The following ADAMTSL1 variants were observed in gnomAD, a reference collection of about 807,000 sequenced individuals.
The protein encoded by ADAMTSL1 is ADAMTS like 1.
Under a neutral mutation model 201.8 loss-of-function variants are expected in ADAMTSL1, and 126 were observed. The observed-to-expected ratio is 0.62, with a 90% CI of 0.54 to 0.72. The LOEUF (loss-of-function observed/expected upper bound fraction) is 0.72, where lower values mean the gene tolerates loss of function less well. ADAMTSL1 is among the 30% of genes least tolerant of loss of function. ADAMTSL1 has a pLI of 0.00. For missense variants in ADAMTSL1, 2,679 were observed against 2,277.8 expected, an observed-to-expected ratio of 1.18 and a Z score of -3.59; for synonymous variants, 1,121 against 903.4, an observed-to-expected ratio of 1.24 and a Z score of -4.32.
intron 1 of ADAMTSL1, among the ~76,000 whole-genome samples, chr9:18,014,241 A>C (rs895622499): frequency 1.3e-5 from 2 of 152,006 alleles, no homozygotes; most frequent in African/African-American, 2.4e-5. Context: ...CCAGTGCTCC[A>C]CTGGCAAAAT....
intron 1 of ADAMTSL1, among the ~76,000 whole-genome samples, chr9:17,965,630 A>G (rs1026725447): frequency 1.3e-5 from 2 of 152,188 alleles, no homozygotes; most frequent in Non-Finnish European, 2.9e-5. Flanking sequence ...ATCATACATG[A>G]TAAATTGGGA....
intron 1 of ADAMTSL1, among the ~76,000 whole-genome samples, chr9:18,503,397 T>G (rs1034400490): frequency 9.2e-6 from 1 of 108,912 alleles, no homozygotes; most frequent in Admixed American, 1.0e-4. Flanking sequence ...TCTTCCTTTT[T>G]AAGGCTGAAT....
chr9:18,224,634 A>T lies in ADAMTSL1; in HGVS notation c.207+60653A>T, dbSNP rs1351679771. On this transcript the variant is annotated intron_variant, in intron 2 of 29. Coordinates refer to the ADAMTSL1 transcript ENST00000680146. ...GCATCAACTTTAAAGTCCAAGTCCAAAGTATCTTATGAACATCCTATGGAT... is the reference window on the plus strand; with the variant it reads ...GCATCAACTTTAAAGTCCAAGTCCATAGTATCTTATGAACATCCTATGGAT... 3.9e-5 allele frequency among the ~76,000 whole-genome samples: 6 copies of T among 152,064 alleles called. No individual in the cohort carries two copies. In the East Asian group the frequency reaches 1.2e-3, roughly 29 times the overall value.
intron 2 of ADAMTSL1, among the ~76,000 whole-genome samples, chr9:18,186,147 C>G (rs1828722626): frequency 6.6e-6 from 1 of 152,112 alleles, no homozygotes; most frequent in Non-Finnish European, 1.5e-5. Context: ...AGAAAATATT[C>G]CTGGAATTGT....
At chr9:18,260,645 A>T (rs146375793) in intron 2 of ADAMTSL1, among the ~76,000 whole-genome samples, 238 of 152,172 alleles carry the variant, frequency 1.6e-3, no homozygotes, top group African/African-American at 5.2e-3. Flanking sequence ...TTCTGCTGCC[A>T]ATCTGGTTGC....
intron 2 of ADAMTSL1, among the ~76,000 whole-genome samples, chr9:18,311,692 G>T (rs567129518): frequency 3.0e-4 from 46 of 152,328 alleles, no homozygotes; most frequent in African/African-American, 1.0e-3. Flanking sequence ...TCCTGAGCTT[G>T]AGCCAGGGAG....
At chr9:18,628,929 T>C (rs1388334865) in intron 5 of ADAMTSL1, among the ~76,000 whole-genome samples, 1 of 152,204 alleles carries the variant, frequency 6.6e-6, no homozygotes, top group Non-Finnish European at 1.5e-5. Flanking sequence ...ACAGATGTAA[T>C]CATAGCACAC....
chr9:18,196,699 T>G (rs956665846), intron 2 of ADAMTSL1, among the ~76,000 whole-genome samples: 2 of 152,122 alleles, frequency 1.3e-5, no homozygotes, highest in Admixed American at 1.3e-4. Flanking sequence ...TCTCCATGAA[T>G]CTGATTCCGT....
intron 4 of ADAMTSL1, among the ~76,000 whole-genome samples, chr9:18,596,864 C>A (rs144347326): frequency 1.5e-3 from 223 of 152,298 alleles, no homozygotes; most frequent in African/African-American, 5.1e-3. Flanking sequence ...AGACAAGGCT[C>A]TAAGGTCCAG....
intron 3 of ADAMTSL1, among the ~76,000 whole-genome samples, chr9:18,565,451 A>G (rs906824021): frequency 6.6e-6 from 1 of 152,172 alleles, no homozygotes; most frequent in Non-Finnish European, 1.5e-5. Context: ...GTTTGGGGGA[A>G]AAGTAAAAGA....
chr9:18,083,267 A>G (rs913975910), intron 1 of ADAMTSL1, among the ~76,000 whole-genome samples: 1 of 152,198 alleles, frequency 6.6e-6, no homozygotes, highest in Non-Finnish European at 1.5e-5. Flanking sequence ...GTAGGTTCAG[A>G]CACTTTAAAA....
At chr9:18,091,242 G>T (rs1480496910) in intron 1 of ADAMTSL1, among the ~76,000 whole-genome samples, 1 of 151,808 alleles carries the variant, frequency 6.6e-6, no homozygotes, top group Non-Finnish European at 1.5e-5. Context: ...AAGTTTATAT[G>T]GTGTCTTCTT....
intron 13 of ADAMTSL1, 154 bp from the exon 14 acceptor site, chr9:18,706,593 C>A: frequency 1.4e-6 from 1 of 723,136 alleles, no homozygotes; most frequent in Admixed American, 3.0e-5. Flanking sequence ...ATGAACTAAA[C>A]TGAAGCGCCA....
chr9:18,022,699 A>G (rs528694088), intron 1 of ADAMTSL1, among the ~76,000 whole-genome samples: 154 of 152,312 alleles, frequency 1.0e-3, no homozygotes, highest in Non-Finnish European at 1.8e-3. Context: ...AAAAAAGCTA[A>G]TAGCCTTTAT....
chr9:18,284,303 G>C (rs1832914411), intron 2 of ADAMTSL1, among the ~76,000 whole-genome samples: 1 of 152,052 alleles, frequency 6.6e-6, no homozygotes, highest in Admixed American at 6.6e-5. Flanking sequence ...CACCACAGTT[G>C]CTTTTTATTT....
intron 2 of ADAMTSL1, among the ~76,000 whole-genome samples, chr9:18,211,998 T>A (rs181480851): frequency 1.3e-5 from 2 of 152,116 alleles, no homozygotes; most frequent in African/African-American, 4.8e-5. Context: ...GGAATGAAAG[T>A]CTCATTCAAG....
At chr9:18,103,763 A>C (rs538023231) in intron 1 of ADAMTSL1, among the ~76,000 whole-genome samples, 1 of 152,188 alleles carries the variant, frequency 6.6e-6, no homozygotes, top group African/African-American at 2.4e-5. Flanking sequence ...ATGGAATTCT[A>C]TTCAAGAACT....
intron 14 of ADAMTSL1, among the ~76,000 whole-genome samples, chr9:18,715,680 C>T (rs2133384994): frequency 6.6e-6 from 1 of 152,162 alleles, no homozygotes; most frequent in East Asian, 1.9e-4. Flanking sequence ...TTTATAGTTT[C>T]AATGCCATCC....
chr9:18,089,606 A>C (rs1447902657), intron 1 of ADAMTSL1, among the ~76,000 whole-genome samples: 1 of 152,174 alleles, frequency 6.6e-6, no homozygotes, highest in East Asian at 1.9e-4. Flanking sequence ...CCAGAACTTT[A>C]ATAAAAAAGG....
Sources: gnomAD v4.1 joint callset for allele counts (sites outside exome capture counted in the v4.1 genomes callset) on GRCh38, gnomAD v4.1.1 for gene constraint, MANE v1.5 for transcripts, NCBI Gene and HGNC (gene_info 2026-07-23, HGNC 2026-07-21) for gene names.